C12orf56: variants seen among roughly 807,000 people sequenced by gnomAD.
The protein encoded by C12orf56 is chromosome 12 open reading frame 56.
A neutral mutation model predicts 69.9 loss-of-function variants in C12orf56; 71 were observed. The observed-to-expected ratio is 1.02, with a 90% CI of 0.84 to 1.24. The LOEUF (loss-of-function observed/expected upper bound fraction) is 1.24, where lower values mean the gene tolerates loss of function less well. C12orf56 is among the 50% of genes most tolerant of loss of function. The probability of loss-of-function intolerance (pLI) is 0.00; values close to 1 mark genes in which losing one functional copy is unlikely to be tolerated. For synonymous variants in C12orf56, 276 were observed against 274.1 expected, an observed-to-expected ratio of 1.01 and a Z score of -0.07; for missense variants, 732 against 738.5, an observed-to-expected ratio of 0.99 and a Z score of 0.10.
At chr12:64,281,000 C>T (rs567023466) in intron 8 of C12orf56, among the ~76,000 whole-genome samples, 11 of 152,244 alleles carry the variant, frequency 7.2e-5, no homozygotes, top group South Asian at 2.1e-4. Context: ...TGGCTGGGCA[C>T]GGTGGCTCAT....
chr12:64,383,738 G>A (rs1002430530), intron 1 of C12orf56, among the ~76,000 whole-genome samples: 2 of 151,780 alleles, frequency 1.3e-5, no homozygotes, highest in African/African-American at 4.8e-5. Context: ...AAAAAAAAAT[G>A]ATTAAAAAAA....
rs566358688 is a variant in C12orf56 at position 64,298,402 on chromosome 12, A to G, written c.1113+5233T>C. Among the ~76,000 whole-genome samples the G allele has an allele frequency of 1.4e-4, 21 of 152,260 alleles. No homozygotes were observed. The South Asian group carries it at 4.3e-3, about 32-fold the overall frequency. Reference sequence around the variant, plus strand: ...TAGTTTAATTAGATCCCATTTGTCAATTTTGGCTTTTGTTGCCATTGCTTT... The same window carrying G: ...TAGTTTAATTAGATCCCATTTGTCAGTTTTGGCTTTTGTTGCCATTGCTTT... On this transcript the variant is annotated intron_variant, in intron 6 of 12. Coordinates refer to ENST00000543942, the MANE Select transcript of C12orf56 (RefSeq NM_001170633.2).
At chr12:64,358,486 ATCATCATCATCATCATCATC>A (rs1565773496) in intron 1 of C12orf56, among the ~76,000 whole-genome samples, 30 of 145,450 alleles carry the variant, frequency 2.1e-4, no homozygotes, top group Admixed American at 4.9e-4. Flanking sequence ...AATAATAATC[ATCATCATCATCATCATCATC>A]ATCTTGGCCA....
chr12:64,297,880 T>C (rs1435380999), intron 6 of C12orf56, among the ~76,000 whole-genome samples: 1 of 152,212 alleles, frequency 6.6e-6, no homozygotes, highest in Non-Finnish European at 1.5e-5. Context: ...ACGTGATTTA[T>C]AATCCTTTGG....
At chr12:64,297,557 C>T (rs1234750456) in intron 6 of C12orf56, among the ~76,000 whole-genome samples, 1 of 152,084 alleles carries the variant, frequency 6.6e-6, no homozygotes, top group Admixed American at 6.5e-5. Flanking sequence ...CGACAGGCCC[C>T]AATGTGTGAT....
At chr12:64,389,705 C>T (rs2039842359) in intron 1 of C12orf56, among the ~76,000 whole-genome samples, 1 of 152,144 alleles carries the variant, frequency 6.6e-6, no homozygotes, top group Admixed American at 6.6e-5. Context: ...CCATGTTGGC[C>T]AGCCTGGTCT....
chr12:64,357,419 C>CT (rs34572710), intron 1 of C12orf56, among the ~76,000 whole-genome samples: 159 of 140,070 alleles, frequency 1.1e-3, no homozygotes, highest in South Asian at 4.1e-3. Flanking sequence ...TTTTTTCTTT[C>CT]TTTTTTTTTT....
chr12:64,374,472 C>T (rs1592500048), intron 1 of C12orf56, among the ~76,000 whole-genome samples: 1 of 152,260 alleles, frequency 6.6e-6, no homozygotes, highest in East Asian at 1.9e-4. Flanking sequence ...CATCATTTTT[C>T]ACCATATTTA....
intron 8 of C12orf56, among the ~76,000 whole-genome samples, chr12:64,278,366 C>A (rs74097982): frequency 1.3e-5 from 2 of 151,920 alleles, no homozygotes; most frequent in Admixed American, 1.3e-4. Flanking sequence ...TGATGTTGCC[C>A]GGGCTGGTCT....
At position 64,390,415 on chromosome 12, in the gene C12orf56, T is replaced by A; in HGVS notation, c.151A>T (p.Lys51Ter). ...AGCCGGTCGCTTAGCACCACATACT[T>A]GAGGATGTGGTTCTCAGAGTTGGAC... ...VVSNSENHIL[K>*]YVVLSDRLVY... Residue 51 changes from lysine (K) to a stop codon, truncating the protein, a stop_gained, in exon 1 of 13, where the codon AAG becomes TAG. Coordinates refer to ENST00000543942, the MANE Select transcript of C12orf56 (RefSeq NM_001170633.2). LOFTEE classifies it high-confidence loss of function. 6.2e-7 allele frequency: 1 copy of A among 1,613,022 alleles called. No individual in the cohort carries two copies. The highest frequency in any genetic ancestry group is 1.7e-4 in the Middle Eastern group (1 of 6,060).
chr12:64,305,482 A>C (rs1310788512), intron 5 of C12orf56, among the ~76,000 whole-genome samples: 2 of 152,104 alleles, frequency 1.3e-5, no homozygotes, highest in African/African-American at 2.4e-5. Context: ...CCTGAGTTCA[A>C]GCTATTCTCC....
Position 64,267,124 on chromosome 12 carries a change from CA to C in C12orf56, c.*58del. 8.0e-7 allele frequency: 1 copy of C among 1,251,340 alleles called. No homozygotes were observed. The highest frequency in any genetic ancestry group is 1.5e-5 in the South Asian group (1 of 68,796). 77.5% of individuals were successfully genotyped at this position (1,251,340 alleles called of 1,614,324 possible). A position where few individuals can be genotyped will look rare whatever the true frequency, so the allele number is the denominator to read the frequency against. Reference sequence around the variant, plus strand: ...ATAAAAAAATGTTTCTCGTGAATATCAAGTTGACTCTTGATTAACATTTTAT... The same window carrying C: ...ATAAAAAAATGTTTCTCGTGAATATCAGTTGACTCTTGATTAACATTTTAT... On this transcript the variant is annotated 3_prime_UTR_variant, in exon 13 of 13. Coordinates refer to ENST00000543942, the MANE Select transcript of C12orf56 (RefSeq NM_001170633.2).
intron 11 of C12orf56, among the ~76,000 whole-genome samples, chr12:64,272,752 C>T (rs1271949005): frequency 3.3e-5 from 5 of 152,152 alleles, no homozygotes; most frequent in Non-Finnish European, 7.3e-5. Context: ...AACTTTCAAA[C>T]ATTCTGTGAA....
intron 1 of C12orf56, chr12:64,389,289 A>C (rs946732939): frequency 6.6e-6 from 1 of 152,244 alleles, no homozygotes; most frequent in Non-Finnish European, 1.5e-5. Context: ...AAAGGGGTAC[A>C]GGAACAGCAC....
chr12:64,380,104 CAAAA>C lies in C12orf56; in HGVS notation c.252+10206_252+10209del, dbSNP rs60079906. The stretch of plus-strand genomic sequence containing the variant: ...TGGGCGACAGAGCAAGACTCCGTCG[CAAAA>C]AAAAAAAAAAAAAAAAAAAAAAAAA... On this transcript the variant is annotated intron_variant, in intron 1 of 12. Coordinates refer to ENST00000543942, the MANE Select transcript of C12orf56 (RefSeq NM_001170633.2). 1.9e-3 allele frequency among the ~76,000 whole-genome samples: 95 copies of C among 49,964 alleles called. 1 individual carries two copies. The highest frequency in any genetic ancestry group is 9.8e-3 in the Admixed American group (29 of 2,960). 32.8% of individuals were successfully genotyped at this position (49,964 alleles called of 152,430 possible). A position where few individuals can be genotyped will look rare whatever the true frequency, so the allele number is the denominator to read the frequency against.
At chr12:64,347,792 G>A (rs1336558172) in intron 2 of C12orf56, among the ~76,000 whole-genome samples, 2 of 152,158 alleles carry the variant, frequency 1.3e-5, no homozygotes, top group Non-Finnish European at 2.9e-5. Context: ...TTTAATCTTT[G>A]AGAAATAAAA....
At chr12:64,337,415 C>T (rs2039010747) in intron 2 of C12orf56, among the ~76,000 whole-genome samples, 1 of 152,184 alleles carries the variant, frequency 6.6e-6, no homozygotes, top group South Asian at 2.1e-4. Context: ...TTCTGACCAA[C>T]CAGCTATAAA....
chr12:64,365,703 C>CTATTATATAATAT (rs1565776612), intron 1 of C12orf56, among the ~76,000 whole-genome samples: 8 of 142,104 alleles, frequency 5.6e-5, no homozygotes, highest in African/African-American at 1.8e-4. Context: ...TTATATAATA[C>CTATTATATAATAT]AATATATAGT....
chr12:64,279,014 T>C (rs2038090595), intron 8 of C12orf56, among the ~76,000 whole-genome samples: 1 of 152,210 alleles, frequency 6.6e-6, no homozygotes, highest in Non-Finnish European at 1.5e-5. Context: ...CATTCACCCA[T>C]TGCTGGACAG....
Sources: gnomAD v4.1 joint callset for allele counts (sites outside exome capture counted in the v4.1 genomes callset) on GRCh38, gnomAD v4.1.1 for gene constraint, MANE v1.5 for transcripts, NCBI Gene and HGNC (gene_info 2026-07-23, HGNC 2026-07-21) for gene names.